DMD: variants seen among roughly 807,000 people sequenced by gnomAD.
DMD encodes the protein dystrophin.
A neutral mutation model predicts 330.1 loss-of-function variants in DMD; 63 were observed. The observed-to-expected ratio is 0.19, with a 90% confidence interval of 0.16 to 0.24. The LOEUF (loss-of-function observed/expected upper bound fraction) is 0.24. Ranked by LOEUF, DMD falls within the 10% of genes least tolerant of loss-of-function variation. The pLI, the probability that DMD is intolerant of heterozygous loss-of-function variation, is 1.00. For synonymous variants in DMD, 1,223 were observed against 959.8 expected (o/e 1.27, Z -5.07); for missense variants, 3,344 against 2,684.1 (o/e 1.25, Z -5.43).
chrX:32,843,633 T>G (rs1321553679), intron 4 of DMD, among the ~76,000 whole-genome samples: 2 of 112,332 alleles, frequency 1.8e-5, no homozygotes, highest in Admixed American at 1.9e-4. Flanking sequence ...CTTATGGTTA[T>G]TTTAAGAGTA....
At chrX:33,111,277 A>G (rs2095337485) in intron 1 of DMD, among the ~76,000 whole-genome samples, 1 of 111,913 alleles carries the variant, frequency 8.9e-6, no homozygotes, top group African/African-American at 3.2e-5. Context: ...GACATCAAGG[A>G]ATATTAAGTG....
intron 1 of DMD, among the ~76,000 whole-genome samples, chrX:33,085,281 G>A (rs773226369): frequency 1.8e-5 from 2 of 111,289 alleles, no homozygotes; most frequent in Non-Finnish European, 3.8e-5. Flanking sequence ...TATTAAATTA[G>A]TGATTCAATT....
intron 1 of DMD, among the ~76,000 whole-genome samples, chrX:33,280,521 C>T (rs150137778): frequency 0.022 from 2,411 of 110,901 alleles, 63 homozygotes; most frequent in African/African-American, 0.075. Context: ...TACTACAACA[C>T]CATTTATTAA....
chrX:32,574,799 T>C (rs2149144714), intron 13 of DMD, among the ~76,000 whole-genome samples: 1 of 111,990 alleles, frequency 8.9e-6, no homozygotes, highest in Admixed American at 9.5e-5. Context: ...ATAATTTCTA[T>C]GTTACTTTAT....
At chrX:31,354,142 A>G (rs1305840416) in intron 60 of DMD, among the ~76,000 whole-genome samples, 1 of 111,693 alleles carries the variant, frequency 9.0e-6, no homozygotes, top group Non-Finnish European at 1.9e-5. Flanking sequence ...CTCAGGAAAA[A>G]AAGGTCCTTT....
intron 1 of DMD, among the ~76,000 whole-genome samples, chrX:33,095,835 T>G (rs746467616): frequency 5.4e-5 from 6 of 111,167 alleles, no homozygotes; most frequent in Admixed American, 1.9e-4. Context: ...ATCTAACATA[T>G]TTACATGATA....
intron 1 of DMD, among the ~76,000 whole-genome samples, chrX:33,239,629 A>G (rs183704824): frequency 8.9e-6 from 1 of 112,357 alleles, no homozygotes. Context: ...TATTTTTTAA[A>G]TGAACATAGA....
chrX:32,998,373 A>T (rs947829780), intron 2 of DMD, among the ~76,000 whole-genome samples: 31 of 83,238 alleles, frequency 3.7e-4, no homozygotes, highest in African/African-American at 2.8e-3. Context: ...AGTGTCAAAA[A>T]AAAAAAAAAA....
At chrX:32,963,413 T>C (rs1054420347) in intron 2 of DMD, among the ~76,000 whole-genome samples, 1 of 112,140 alleles carries the variant, frequency 8.9e-6, no homozygotes, top group Non-Finnish European at 1.9e-5. Context: ...TATGAAAGTC[T>C]TGATGATGCC....
chrX:32,309,698 C>T (rs1401949538), intron 42 of DMD, among the ~76,000 whole-genome samples: 3 of 110,744 alleles, frequency 2.7e-5, no homozygotes, highest in Admixed American at 9.7e-5. Context: ...AAACAATATA[C>T]ATTACATATA....
intron 61 of DMD, among the ~76,000 whole-genome samples, chrX:31,326,951 G>A (rs1012474152): frequency 1.8e-5 from 2 of 112,116 alleles, no homozygotes; most frequent in Non-Finnish European, 3.8e-5. Flanking sequence ...CATAAAGCTA[G>A]CCTACGTAAT....
At position 32,437,624 on chromosome X, in the gene DMD, C is replaced by A. The variant is rs140626730; in HGVS notation, c.4071+617G>T. ...CATCAAACCATAGAACCATATCTCA[C>A]ATGTAGTAGATGTACTCAGTAAGTG... On this transcript the variant is annotated intron_variant, in intron 29 of 78. Transcript: ENST00000357033. Among the ~76,000 whole-genome samples, 247 of 112,207 alleles carry A rather than the reference C, an allele frequency of 2.2e-3. 4 individuals carry two copies. In the South Asian group the frequency reaches 0.05, roughly 23 times the overall value.
chrX:31,992,191 C>A (rs1187418869), intron 44 of DMD, among the ~76,000 whole-genome samples: 2 of 111,559 alleles, frequency 1.8e-5, no homozygotes, highest in African/African-American at 6.5e-5. Flanking sequence ...GAATCAAAAC[C>A]AAATCTATAG....
At chrX:31,227,324 G>C (rs905522972) in intron 63 of DMD, among the ~76,000 whole-genome samples, 2 of 111,633 alleles carry the variant, frequency 1.8e-5, no homozygotes, top group African/African-American at 6.5e-5. Context: ...ATGAATATTA[G>C]TGTGGAACAG....
chrX:33,125,702 C>T lies in DMD; in HGVS notation c.31+85580G>A, dbSNP rs145599160. Among the ~76,000 whole-genome samples, 86 of 111,307 alleles carry T rather than the reference C, an allele frequency of 7.7e-4. No homozygotes were observed. The East Asian group carries it at 0.02, about 26-fold the overall frequency. On this transcript the variant is annotated intron_variant, in intron 1 of 78. Coordinates refer to ENST00000357033, the MANE Select transcript of DMD (RefSeq NM_004006.3). ...GAAGCATTATAATTAAGCAAAATAT[C>T]CAGTTTTTTCATAGTTTCAGTTTTC...
chrX:32,671,632 T>C (rs2061641051), intron 9 of DMD, among the ~76,000 whole-genome samples: 1 of 111,976 alleles, frequency 8.9e-6, no homozygotes, highest in Non-Finnish European at 1.9e-5. Context: ...TTTAGAAAAA[T>C]GGAAAATCAT....
At chrX:33,270,984 A>T (rs1246519218) in intron 1 of DMD, among the ~76,000 whole-genome samples, 1 of 111,756 alleles carries the variant, frequency 8.9e-6, no homozygotes, top group Non-Finnish European at 1.9e-5. Flanking sequence ...CCAAACAAAG[A>T]ACTATTTATA....
At chrX:31,513,705 A>C (rs755659322) in intron 55 of DMD, among the ~76,000 whole-genome samples, 5 of 111,779 alleles carry the variant, frequency 4.5e-5, no homozygotes, top group Non-Finnish European at 7.5e-5. Flanking sequence ...TAGTTGTTAC[A>C]TAACAAAAAC....
chrX:33,086,254 T>C (rs1366449052), intron 1 of DMD, among the ~76,000 whole-genome samples: 1 of 112,149 alleles, frequency 8.9e-6, no homozygotes, highest in Non-Finnish European at 1.9e-5. Flanking sequence ...AAAGGTTTGC[T>C]ATACAGAAAG....
Sources: allele counts gnomAD v4.1 joint callset (sites outside exome capture counted in the v4.1 genomes callset), GRCh38; gene constraint gnomAD v4.1.1; transcripts MANE v1.5; gene names NCBI Gene and HGNC (gene_info 2026-07-23, HGNC 2026-07-21).